The following RNF38 variants were observed in gnomAD, a reference collection of about 807,000 sequenced individuals.
RNF38 encodes E3 ubiquitin-protein ligase RNF38.
RNF38 carries 15 observed loss-of-function variants against 67.2 expected under a neutral mutation model. The observed-to-expected ratio is 0.22, with a 90% CI of 0.15 to 0.34. The LOEUF is 0.34. Among genes scored for constraint, RNF38 ranks in the 10% least tolerant of loss-of-function variants. The pLI, the probability that RNF38 is intolerant of heterozygous loss-of-function variation, is 1.00. For missense variants in RNF38, 524 were observed against 639.9 expected, an observed-to-expected ratio of 0.82 and a Z score of 1.95; for synonymous variants, 220 against 218.8, an observed-to-expected ratio of 1.01 and a Z score of -0.05.
At chr9:36,383,229 G>A (rs1232930231) in intron 2 of RNF38, among the ~76,000 whole-genome samples, 3 of 152,156 alleles carry the variant, frequency 2.0e-5, no homozygotes, top group African/African-American at 7.2e-5. Flanking sequence ...CTGAGACAGA[G>A]TCTCGCTCTG....
At chr9:36,406,671 G>A (rs1838191729) in intron 2 of RNF38, among the ~76,000 whole-genome samples, 1 of 152,228 alleles carries the variant, frequency 6.6e-6, no homozygotes, top group Non-Finnish European at 1.5e-5. Flanking sequence ...TTTCACAGCA[G>A]TGGCTGATTC....
chr9:36,350,776 CAT>C (rs764303791), intron 9 of RNF38, among the ~76,000 whole-genome samples: 7 of 152,146 alleles, frequency 4.6e-5, no homozygotes, highest in Admixed American at 6.5e-5. Context: ...ATTTTTATGA[CAT>C]GTTTGTATCT....
At chr9:36,351,916 C>T (rs1564000787) in intron 8 of RNF38, among the ~76,000 whole-genome samples, 1 of 152,174 alleles carries the variant, frequency 6.6e-6, no homozygotes, top group African/African-American at 2.4e-5. Context: ...AGATCTTATA[C>T]AGGAAGCCAT....
chr9:36,394,876 T>C (rs1837403467), intron 1 of RNF38, among the ~76,000 whole-genome samples: 1 of 152,200 alleles, frequency 6.6e-6, no homozygotes, highest in African/African-American at 2.4e-5. Context: ...AAAACTGATA[T>C]AATTTTTCTC....
At chr9:36,480,099 C>T (rs1420209944) in intron 1 of RNF38, among the ~76,000 whole-genome samples, 2 of 152,088 alleles carry the variant, frequency 1.3e-5, no homozygotes, top group Non-Finnish European at 2.9e-5. Context: ...CTGTCTCAGC[C>T]TCCCGAGTAG....
rs530807061 is a variant in RNF38, at chr9:36,440,402, G to A, written n.242-15719C>T. 3.3e-5 allele frequency among the ~76,000 whole-genome samples: 5 copies of A among 152,170 alleles called. No homozygotes were observed. The South Asian group carries it at 6.2e-4, about 19-fold the overall frequency. On this transcript the variant is annotated intron_variant and non_coding_transcript_variant, in intron 1 of 3. Coordinates refer to the RNF38 transcript ENST00000488058. The stretch of plus-strand genomic sequence containing the variant: ...CAAAATTAACCGCGTGTGGTGGCAG[G>A]TGCCTGTATTCCCAGCTACTAGGGA...
At chr9:36,411,141 T>C (rs1838315259) in intron 2 of RNF38, among the ~76,000 whole-genome samples, 1 of 135,118 alleles carries the variant, frequency 7.4e-6, no homozygotes, top group African/African-American at 2.8e-5. Context: ...AATATATAAC[T>C]CCTAAAACTG....
chr9:36,382,387 C>G (rs900564547), intron 2 of RNF38, among the ~76,000 whole-genome samples: 2 of 152,090 alleles, frequency 1.3e-5, no homozygotes, highest in Admixed American at 6.6e-5. Flanking sequence ...AGGAGTACAC[C>G]TCTATTAACA....
intron 2 of RNF38, among the ~76,000 whole-genome samples, chr9:36,408,629 G>C (rs556812011): frequency 2.0e-5 from 3 of 152,264 alleles, no homozygotes; most frequent in African/African-American, 4.8e-5. Context: ...TTGAGCCAAA[G>C]TGACACCAGT....
At chr9:36,399,601 T>G (rs949559955) in intron 1 of RNF38, among the ~76,000 whole-genome samples, 7 of 151,016 alleles carry the variant, frequency 4.6e-5, no homozygotes, top group African/African-American at 1.7e-4. Context: ...AAACTTCCAG[T>G]CAGAAATTTC....
In RNF38 at chr9:36,346,268, T is replaced by C. The variant is rs1563995787; in HGVS notation, c.1264-1315A>G. Among the ~76,000 whole-genome samples, 11 of 152,292 alleles carry C rather than the reference T, an allele frequency of 7.2e-5. No individual in the cohort carries two copies. The South Asian group carries it at 2.1e-3, about 29-fold the overall frequency. ...TCCTCCAGGCTGAAGTGCAATGGCA[T>C]GATCTTGGTTAACTGCAACCTCTGC... On this transcript the variant is annotated intron_variant, in intron 9 of 11. Coordinates refer to ENST00000259605, the MANE Select transcript of RNF38 (RefSeq NM_022781.5).
intron 1 of RNF38, among the ~76,000 whole-genome samples, chr9:36,478,367 G>A (rs1840171589): frequency 7.6e-6 from 1 of 132,064 alleles, no homozygotes; most frequent in Non-Finnish European, 1.5e-5. Flanking sequence ...TCACGCCACT[G>A]CACTCCAGCC....
chr9:36,419,966 C>T (rs1254864675), intron 2 of RNF38, among the ~76,000 whole-genome samples: 1 of 152,060 alleles, frequency 6.6e-6, no homozygotes, highest in East Asian at 1.9e-4. Flanking sequence ...AGGACTGGTG[C>T]CAATGGTTCA....
chr9:36,471,069 C>G (rs1839986496), intron 1 of RNF38, among the ~76,000 whole-genome samples: 1 of 152,154 alleles, frequency 6.6e-6, no homozygotes, highest in East Asian at 1.9e-4. Context: ...CAGCTTGACT[C>G]AGCCTAACAC....
chr9:36,428,429 A>C (rs1838843353), intron 1 of RNF38, among the ~76,000 whole-genome samples: 1 of 148,004 alleles, frequency 6.8e-6, no homozygotes. Flanking sequence ...AAAAAAGGAT[A>C]AAACTGTAGT....
intron 1 of RNF38, among the ~76,000 whole-genome samples, chr9:36,396,779 G>C (rs773597336): frequency 2.7e-5 from 4 of 150,612 alleles, no homozygotes; most frequent in Non-Finnish European, 4.4e-5. Flanking sequence ...ACTTAATAAA[G>C]CTTCTTTAAA....
At chr9:36,392,250 A>G (rs1191415640) in intron 1 of RNF38, among the ~76,000 whole-genome samples, 1 of 152,236 alleles carries the variant, frequency 6.6e-6, no homozygotes, top group Non-Finnish European at 1.5e-5. Context: ...ATACTTCCAA[A>G]GACTCACCTA....
upstream of RNF38, among the ~76,000 whole-genome samples, chr9:36,402,717 C>T (rs763878580): frequency 3.9e-5 from 6 of 152,208 alleles, no homozygotes; most frequent in Non-Finnish European, 8.8e-5. Flanking sequence ...CATTCCTCAC[C>T]TCTAAGCTTC....
At chr9:36,350,434 T>C (rs1833613259) in intron 9 of RNF38, among the ~76,000 whole-genome samples, 1 of 152,220 alleles carries the variant, frequency 6.6e-6, no homozygotes, top group Non-Finnish European at 1.5e-5. Context: ...GTCCACTCTG[T>C]AGCAAGCACT....
Sources: allele counts gnomAD v4.1 joint callset (sites outside exome capture counted in the v4.1 genomes callset), GRCh38; gene constraint gnomAD v4.1.1; transcripts MANE v1.5; gene names NCBI Gene and HGNC (gene_info 2026-07-23, HGNC 2026-07-21).